The following VAT1L variants were observed in gnomAD, a reference collection of about 807,000 sequenced individuals.
VAT1L encodes the protein putative NADPH-dependent quinone oxidoreductase VAT1L.
Under a neutral mutation model 44.1 loss-of-function variants are expected in VAT1L, and 34 were observed. The observed-to-expected ratio is 0.77, with a 90% CI of 0.59 to 1.03. The LOEUF is 1.03. VAT1L is among the 50% of genes least tolerant of loss of function. The pLI, the probability that VAT1L is intolerant of heterozygous loss-of-function variation, is 0.00. For missense variants in VAT1L, 615 were observed against 538.8 expected (o/e 1.14, Z -1.40); for synonymous variants, 253 against 202.2 (o/e 1.25, Z -2.13).
At chr16:77,941,487 A>G (rs1348905875) in intron 7 of VAT1L, among the ~76,000 whole-genome samples, 2 of 152,338 alleles carry the variant, frequency 1.3e-5, no homozygotes, top group Admixed American at 1.3e-4. Context: ...ATATGCATGC[A>G]TGTATCTTCA....
intron 3 of VAT1L, among the ~76,000 whole-genome samples, chr16:77,855,223 C>G (rs980517426): frequency 2.6e-5 from 4 of 151,908 alleles, no homozygotes; most frequent in Non-Finnish European, 4.4e-5. Context: ...GCCTGCAGTC[C>G]CAGCTACTCA....
chr16:77,869,688 C>T (rs1186118106), intron 4 of VAT1L, among the ~76,000 whole-genome samples: 1 of 152,020 alleles, frequency 6.6e-6, no homozygotes, highest in Non-Finnish European at 1.5e-5. Context: ...AAAAAACCAC[C>T]CACTTCGAGC....
At chr16:77,831,551 T>C (rs993581988) in intron 3 of VAT1L, among the ~76,000 whole-genome samples, 3 of 152,114 alleles carry the variant, frequency 2.0e-5, no homozygotes, top group African/African-American at 4.8e-5. Context: ...TGATAAAACA[T>C]AGTACAAGCC....
chr16:77,862,660 G>T, intron 3 of VAT1L, 88 bp from the exon 4 acceptor site: 3 of 799,628 alleles, frequency 3.8e-6, no homozygotes, highest in Non-Finnish European at 5.6e-6. Context: ...CAATAGTGCC[G>T]ATGGAGAAAT....
At chr16:77,809,093 C>G (rs2016218190) in intron 1 of VAT1L, among the ~76,000 whole-genome samples, 1 of 152,214 alleles carries the variant, frequency 6.6e-6, no homozygotes, top group Non-Finnish European at 1.5e-5. Context: ...GTCAAGAGCA[C>G]AGGCTCTGGA....
intron 3 of VAT1L, among the ~76,000 whole-genome samples, chr16:77,856,367 A>G (rs2016858883): frequency 6.6e-6 from 1 of 152,162 alleles, no homozygotes; most frequent in African/African-American, 2.4e-5. Flanking sequence ...ATCTCAGTGC[A>G]CTGGTAGGCT....
chr16:77,917,846 A>T (rs1391455815), intron 7 of VAT1L, among the ~76,000 whole-genome samples: 17 of 152,288 alleles, frequency 1.1e-4, no homozygotes, highest in Admixed American at 1.1e-3. Flanking sequence ...AAGGATTCTG[A>T]ATCCCCAGAC....
intron 7 of VAT1L, among the ~76,000 whole-genome samples, chr16:77,895,100 C>CCACACACACACACACACACA (rs67138523): frequency 0.026 from 3,774 of 145,134 alleles, 91 homozygotes; most frequent in Admixed American, 0.064. Flanking sequence ...AGCCACTTGC[C>CCACACACACACACACACACA]CACACACACA....
Position 77,960,722 on chromosome 16 carries a change from C to T in VAT1L, c.1078-11128C>T, listed in dbSNP as rs186659730. On this transcript the variant is annotated intron_variant, in intron 7 of 8. Transcript: ENST00000302536. ...CCAGAGAATGGAAGAGTGGAGGAACCCCCTATTGATAACCAAGACCCCAAG... is the reference window on the plus strand; with the variant it reads ...CCAGAGAATGGAAGAGTGGAGGAACTCCCTATTGATAACCAAGACCCCAAG... 2.6e-5 allele frequency among the ~76,000 whole-genome samples: 4 copies of T among 152,110 alleles called. No homozygotes were observed. The East Asian group carries it at 7.8e-4, about 30-fold the overall frequency.
At chr16:77,908,745 T>A (rs1248351904) in intron 7 of VAT1L, among the ~76,000 whole-genome samples, 1 of 151,718 alleles carries the variant, frequency 6.6e-6, no homozygotes, top group African/African-American at 2.4e-5. Flanking sequence ...GAAACCCGTC[T>A]CTACTAAAAA....
intron 3 of VAT1L, among the ~76,000 whole-genome samples, chr16:77,829,274 G>A (rs548999116): frequency 7.9e-5 from 12 of 152,158 alleles, no homozygotes; most frequent in East Asian, 1.9e-4. Flanking sequence ...ACTTGGTGTC[G>A]ATGAGATGAC....
At chr16:77,944,048 A>T (rs1185752011) in intron 7 of VAT1L, among the ~76,000 whole-genome samples, 1 of 152,118 alleles carries the variant, frequency 6.6e-6, no homozygotes. Context: ...AGCTGGGAGC[A>T]GTTTCGTCCT....
rs767577915 is a variant in VAT1L at position 77,845,939 on chromosome 16, G to A, written c.580-16809G>A. ...TCCATCCAGCAGCTATGCCTTAACT[G>A]CCTCTATATCCCAGGCACTAATGTG... On this transcript the variant is annotated intron_variant, in intron 3 of 8. Coordinates refer to ENST00000302536, the MANE Select transcript of VAT1L (RefSeq NM_020927.3). Among the ~76,000 whole-genome samples, 58 of 151,876 alleles carry A rather than the reference G, an allele frequency of 3.8e-4. 1 individual carries two copies. In the Middle Eastern group the frequency reaches 0.017, roughly 45 times the overall value.
In VAT1L at chr16:77,977,760, C is replaced by G. The variant is rs1020848074; in HGVS notation, c.*65C>G. 1 of 1,465,550 alleles carries G rather than the reference C, an allele frequency of 6.8e-7. No homozygotes were observed. Among genetic ancestry groups the G allele is most frequent in the Non-Finnish European group, 9.4e-7 (1 of 1,062,380 alleles). The allele number at this position is 1,465,550 out of a possible 1,614,324, so 90.8% of individuals were successfully genotyped here. A position where few individuals can be genotyped will look rare whatever the true frequency, so the allele number is the denominator to read the frequency against. On this transcript the variant is annotated 3_prime_UTR_variant, in exon 9 of 9. Coordinates refer to ENST00000302536, the MANE Select transcript of VAT1L (RefSeq NM_020927.3). ...AGATGAGGACCCGGCTGAGAAAACT[C>G]TTCTGTGCCCCAGTGAACAAATGCT...
At chr16:77,831,939 C>G (rs1398387730) in intron 3 of VAT1L, among the ~76,000 whole-genome samples, 1 of 151,276 alleles carries the variant, frequency 6.6e-6, no homozygotes, top group Non-Finnish European at 1.5e-5. Flanking sequence ...CCTCAGCCTC[C>G]CAAGTAGCTG....
At chr16:77,880,799 T>C (rs1035636243) in intron 6 of VAT1L, among the ~76,000 whole-genome samples, 1 of 151,878 alleles carries the variant, frequency 6.6e-6, no homozygotes, top group African/African-American at 2.4e-5. Context: ...ACTGTTCCCA[T>C]ATTTATGTCC....
intron 7 of VAT1L, among the ~76,000 whole-genome samples, chr16:77,891,868 C>G (rs565581043): frequency 1.3e-5 from 2 of 152,234 alleles, no homozygotes; most frequent in Middle Eastern, 3.4e-3. Context: ...GTCAGGAGAT[C>G]GAGACCACCC....
intron 7 of VAT1L, among the ~76,000 whole-genome samples, chr16:77,885,670 G>T (rs964627219): frequency 6.6e-6 from 1 of 152,030 alleles, no homozygotes; most frequent in Non-Finnish European, 1.5e-5. Flanking sequence ...TTTGCATGAG[G>T]GAAGTGCCTT....
At chr16:77,886,093 C>T (rs545760721) in intron 7 of VAT1L, among the ~76,000 whole-genome samples, 2 of 152,316 alleles carry the variant, frequency 1.3e-5, no homozygotes, top group African/African-American at 4.8e-5. Context: ...ACATTGTTAA[C>T]ATTTCGGTTT....
Sources: allele counts gnomAD v4.1 joint callset (sites outside exome capture counted in the v4.1 genomes callset), GRCh38; gene constraint gnomAD v4.1.1; transcripts MANE v1.5; gene names NCBI Gene and HGNC (gene_info 2026-07-23, HGNC 2026-07-21).